CNBD1: variants seen among roughly 807,000 people sequenced by gnomAD.
The protein encoded by CNBD1 is cyclic nucleotide-binding domain-containing protein 1.
CNBD1 carries 71 observed loss-of-function variants against 54.4 expected under a neutral mutation model. The ratio of observed to expected loss-of-function variants is 1.30; its 90% confidence interval spans 1.08 to 1.59. CNBD1 has a LOEUF of 1.59. CNBD1 is among the 40% of genes most tolerant of loss of function. The probability of loss-of-function intolerance (pLI) is 0.00; values close to 1 mark genes in which losing one functional copy is unlikely to be tolerated. For synonymous variants in CNBD1, 182 were observed against 170.7 expected (o/e 1.07, Z -0.51); for missense variants, 659 against 518.0 (o/e 1.27, Z -2.64).
chr8:87,351,292 T>C (rs988313600), intron 8 of CNBD1, among the ~76,000 whole-genome samples: 1 of 152,148 alleles, frequency 6.6e-6, no homozygotes, highest in African/African-American at 2.4e-5. Context: ...TTCAAATATT[T>C]ATCAATATTG....
intron 10 of CNBD1, among the ~76,000 whole-genome samples, chr8:87,374,574 T>G (rs560639713): frequency 8.4e-4 from 127 of 151,948 alleles, no homozygotes; most frequent in Admixed American, 2.6e-3. Context: ...AACTCTCTCT[T>G]TTGTCTTCAT....
intron 3 of CNBD1, among the ~76,000 whole-genome samples, chr8:86,920,052 AG>A (rs1386955563): frequency 6.6e-6 from 1 of 152,128 alleles, no homozygotes; most frequent in East Asian, 1.9e-4. Context: ...TATTGGGAAA[AG>A]TTTCTACTGG....
intron 5 of CNBD1, among the ~76,000 whole-genome samples, chr8:87,216,931 G>T (rs1297839192): frequency 2.0e-5 from 3 of 152,100 alleles, no homozygotes; most frequent in African/African-American, 7.2e-5. Flanking sequence ...AGAAATCAGT[G>T]CCATTGCTTT....
chr8:87,310,945 T>A (rs959130373), intron 8 of CNBD1, among the ~76,000 whole-genome samples: 1 of 151,974 alleles, frequency 6.6e-6, no homozygotes, highest in African/African-American at 2.4e-5. Context: ...ATATAAAAAT[T>A]AAGTCGAGAT....
At chr8:87,402,929 T>A (rs1295943825) in intron 2 of CNBD1, among the ~76,000 whole-genome samples, 1 of 152,084 alleles carries the variant, frequency 6.6e-6, no homozygotes, top group Non-Finnish European at 1.5e-5. Flanking sequence ...CACACAAGCA[T>A]ACTTAGTAAT....
At chr8:87,116,936 T>C (rs912221523) in intron 4 of CNBD1, among the ~76,000 whole-genome samples, 1 of 152,202 alleles carries the variant, frequency 6.6e-6, no homozygotes, top group Admixed American at 6.5e-5. Flanking sequence ...TTATATTTCT[T>C]ATTTACTTAC....
intron 3 of CNBD1, among the ~76,000 whole-genome samples, chr8:86,928,662 G>C (rs940126187): frequency 6.6e-6 from 1 of 152,172 alleles, no homozygotes; most frequent in Non-Finnish European, 1.5e-5. Flanking sequence ...CCTTGACTTA[G>C]GCATATGGGT....
rs575640385 is a variant in CNBD1 at position 86,939,755 on chromosome 8, G to C, written c.431+1G>C. 8 of 1,510,006 alleles carry C rather than the reference G, an allele frequency of 5.3e-6. No homozygotes were observed. Among genetic ancestry groups the C allele is most frequent in the Non-Finnish European group, 5.4e-6 (6 of 1,111,952 alleles). 93.5% of individuals were successfully genotyped at this position (1,510,006 alleles called of 1,614,324 possible). A position where few individuals can be genotyped will look rare whatever the true frequency, so the allele number is the denominator to read the frequency against. ...AATTCCTAGCTATCTTAAAGAAATT[G>C]TAAGTATTTAAAATATATTCCTTCT... On this transcript the variant is annotated splice_donor_variant, in intron 4 of 10. Coordinates refer to ENST00000518476, the MANE Select transcript of CNBD1 (RefSeq NM_173538.3). LOFTEE classifies it high-confidence loss of function.
chr8:87,357,498 G>T (rs1450333565), intron 10 of CNBD1, among the ~76,000 whole-genome samples: 1 of 152,076 alleles, frequency 6.6e-6, no homozygotes, highest in African/African-American at 2.4e-5. Flanking sequence ...TTTAATACCT[G>T]CTCTTCTGGG....
chr8:86,892,220 T>C (rs189503078), intron 2 of CNBD1, among the ~76,000 whole-genome samples: 90 of 152,184 alleles, frequency 5.9e-4, no homozygotes, highest in African/African-American at 2.0e-3. Context: ...TTATTGTGTT[T>C]AGGTTCATTC....
At chr8:87,013,322 G>C (rs1187338853) in intron 4 of CNBD1, among the ~76,000 whole-genome samples, 1 of 152,138 alleles carries the variant, frequency 6.6e-6, no homozygotes, top group Non-Finnish European at 1.5e-5. Context: ...TTTTCTCTCA[G>C]AATTAACTAA....
chr8:87,124,251 A>C (rs559013729), intron 4 of CNBD1, among the ~76,000 whole-genome samples: 48 of 151,830 alleles, frequency 3.2e-4, no homozygotes, highest in African/African-American at 1.1e-3. Flanking sequence ...AATTGAACTC[A>C]AACACATTAC....
intron 3 of CNBD1, among the ~76,000 whole-genome samples, chr8:86,915,328 T>C (rs1014205396): frequency 5.9e-5 from 9 of 152,144 alleles, no homozygotes; most frequent in Non-Finnish European, 1.2e-4. Context: ...TGATGTTACC[T>C]TCAGGTATAA....
intron 4 of CNBD1, among the ~76,000 whole-genome samples, chr8:86,942,004 ACTG>A (rs1807330628): frequency 6.6e-6 from 1 of 152,188 alleles, no homozygotes; most frequent in Non-Finnish European, 1.5e-5. Context: ...GGCAAAACTC[ACTG>A]CTGTCAATGG....
intron 4 of CNBD1, among the ~76,000 whole-genome samples, chr8:87,041,784 G>A (rs1468122594): frequency 6.6e-6 from 1 of 152,128 alleles, no homozygotes; most frequent in Non-Finnish European, 1.5e-5. Context: ...GAGCGACAGA[G>A]CAAGACTCCG....
chr8:87,006,566 C>T (rs972293786), intron 4 of CNBD1, among the ~76,000 whole-genome samples: 5 of 152,060 alleles, frequency 3.3e-5, no homozygotes, highest in Non-Finnish European at 7.4e-5. Flanking sequence ...GGAGTAGGCA[C>T]TCCTCATGGT....
intron 8 of CNBD1, among the ~76,000 whole-genome samples, chr8:87,345,082 C>G (rs182410332): frequency 2.0e-5 from 3 of 152,196 alleles, no homozygotes; most frequent in African/African-American, 7.2e-5. Flanking sequence ...TTTTGATGCT[C>G]TAACAAACTC....
intron 8 of CNBD1, among the ~76,000 whole-genome samples, chr8:87,349,388 T>G (rs1295386698): frequency 6.6e-6 from 1 of 152,148 alleles, no homozygotes; most frequent in East Asian, 1.9e-4. Flanking sequence ...GATACAATTT[T>G]TTTTTGAGGC....
intron 4 of CNBD1, among the ~76,000 whole-genome samples, chr8:86,947,959 G>C (rs965714198): frequency 2.0e-5 from 3 of 151,970 alleles, no homozygotes; most frequent in Non-Finnish European, 4.4e-5. Context: ...CTATGTTCAT[G>C]AGTTCAATTG....
Sources: gnomAD v4.1 joint callset for allele counts (sites outside exome capture counted in the v4.1 genomes callset) on GRCh38, gnomAD v4.1.1 for gene constraint, MANE v1.5 for transcripts, NCBI Gene and HGNC (gene_info 2026-07-23, HGNC 2026-07-21) for gene names.